The following RGPD4 variants were observed in gnomAD, a reference collection of about 807,000 sequenced individuals.
RGPD4 encodes the protein RANBP2 like and GRIP domain containing 4.
RGPD4 carries 84 observed loss-of-function variants against 141.1 expected under a neutral mutation model. The observed-to-expected ratio is 0.60, with a 90% confidence interval of 0.50 to 0.71. RGPD4 has a LOEUF of 0.71. Ranked by LOEUF, RGPD4 falls within the 30% of genes least tolerant of loss-of-function variation. RGPD4 has a pLI of 0.00. For missense variants in RGPD4, 918 were observed against 1,622.4 expected (o/e 0.57, Z 7.46); for synonymous variants, 298 against 566.8 (o/e 0.53, Z 6.74).
At chr2:107,874,100 T>A (rs1004233280) in intron 20 of RGPD4, among the ~76,000 whole-genome samples, 2 of 148,544 alleles carry the variant, frequency 1.3e-5, no homozygotes, top group Non-Finnish European at 3.0e-5. Flanking sequence ...TGATTTGTAA[T>A]GTACTTCATT....
chr2:107,881,027 G>A (rs1459785161), intron 21 of RGPD4, among the ~76,000 whole-genome samples: 1 of 151,542 alleles, frequency 6.6e-6, no homozygotes, highest in East Asian at 1.9e-4. Flanking sequence ...CTGGTAAATG[G>A]TGGAACAAAA....
chr2:107,883,346 A>G (rs1675421955), intron 22 of RGPD4: 1 of 333,988 alleles, frequency 3.0e-6, no homozygotes, highest in Admixed American at 3.8e-5. Context: ...AAACTGTGCC[A>G]TAGGCCAGGC....
intron 6 of RGPD4, among the ~76,000 whole-genome samples, chr2:107,846,184 C>T (rs1054843367): frequency 2.0e-5 from 3 of 150,268 alleles, no homozygotes; most frequent in South Asian, 4.3e-4. Flanking sequence ...CCTCAGCCTC[C>T]CAAAGTGCTG....
intron 9 of RGPD4, among the ~76,000 whole-genome samples, chr2:107,858,297 A>T (rs832378): frequency 0.65 from 98,427 of 151,544 alleles, 32,983 homozygotes; most frequent in Middle Eastern, 0.75. Flanking sequence ...GATACCTATA[A>T]ACATAATTAC....
chr2:107,832,601 T>G lies in RGPD4; in HGVS notation c.73-4001T>G, dbSNP rs3113784. Among the ~76,000 whole-genome samples, 3 of 55,362 alleles carry G rather than the reference T, an allele frequency of 5.4e-5. 1 individual carries two copies. In the East Asian group the frequency reaches 8.1e-4, roughly 15 times the overall value. The allele number at this position is 55,362 out of a possible 152,430, so 36.3% of individuals were successfully genotyped here. ...GATTACAGGTGTGCGCCAGCATGCC[T>G]GGCTAATTTTTTCTATTTTTAGTAG... On this transcript the variant is annotated intron_variant, in intron 1 of 22. Transcript: ENST00000408999.
intron 1 of RGPD4, among the ~76,000 whole-genome samples, chr2:107,833,092 G>A (rs1006333893): frequency 7.4e-5 from 11 of 149,224 alleles, no homozygotes; most frequent in African/African-American, 1.8e-4. Flanking sequence ...GTATAATCGC[G>A]GCCTTCACCC....
chr2:107,886,012 C>A (rs1675500445), intron 22 of RGPD4, among the ~76,000 whole-genome samples: 1 of 150,176 alleles, frequency 6.7e-6, no homozygotes, highest in Admixed American at 6.6e-5. Flanking sequence ...GAGATGGTGC[C>A]ATTGCACTCC....
At chr2:107,870,594 A>G in intron 19 of RGPD4, 111 bp from the exon 20 acceptor site, 4 of 880,910 alleles carry the variant, frequency 4.5e-6, no homozygotes, top group South Asian at 3.5e-5. Context: ...CATCATCATC[A>G]TCATTATTGT....
intron 7 of RGPD4, among the ~76,000 whole-genome samples, chr2:107,849,486 C>T (rs1208641547): frequency 8.3e-6 from 1 of 120,192 alleles, no homozygotes; most frequent in East Asian, 2.3e-4. Context: ...CCTGCCTCAG[C>T]CTCCTGAGTA....
At chr2:107,858,396 ACCTTTTCTTT>A (rs1682403928) in intron 9 of RGPD4, among the ~76,000 whole-genome samples, 2 of 138,612 alleles carry the variant, frequency 1.4e-5, no homozygotes, top group African/African-American at 5.1e-5. Context: ...GAAGCACATA[ACCTTTTCTTT>A]TCTTTTCTTT....
At chr2:107,880,528 G>T (rs1298422982) in intron 21 of RGPD4, among the ~76,000 whole-genome samples, 1 of 151,736 alleles carries the variant, frequency 6.6e-6, no homozygotes, top group Non-Finnish European at 1.5e-5. Context: ...CTCCCAAAGT[G>T]CTGGTATTAC....
In RGPD4 at chr2:107,872,782, C is replaced by A; in HGVS notation, c.4778C>A (p.Ser1593Tyr). 6.2e-7 allele frequency: 1 copy of A among 1,611,170 alleles called. No individual in the cohort carries two copies. The highest frequency in any genetic ancestry group is 8.5e-7 in the Non-Finnish European group (1 of 1,179,814). ...ACTAGTTCAGTAGCCCAGAGTGGAT[C>A]TGAAAGCAAAGTGGAACCTAAAAAA... ...SETSSVAQSG[S>Y]ESKVEPKKCE... The change falls in exon 20 of 23, where the codon TCT becomes TAT. Residue 1593 changes from serine (S) to tyrosine (Y), a missense_variant. Physicochemically the swap from Ser to Tyr is moderately radical, Grantham distance 144. Transcript: ENST00000408999.
In RGPD4 at chr2:107,853,408, C is replaced by T. The variant is rs1431385826; in HGVS notation, c.979-1148C>T. ...TTTTAATATTTGAAGGCAGCTGTCA[C>T]GTCTTCCCTTCGCCATTCTATTCAT... On this transcript the variant is annotated intron_variant, in intron 7 of 22. Transcript: ENST00000408999. Among the ~76,000 whole-genome samples the T allele has an allele frequency of 8.6e-5, 12 of 139,758 alleles. 1 individual carries two copies. The South Asian group carries it at 1.7e-3, about 20-fold the overall frequency. 91.7% of individuals were successfully genotyped at this position (139,758 alleles called of 152,430 possible).
intron 6 of RGPD4, among the ~76,000 whole-genome samples, chr2:107,846,545 C>A (rs1213260498): frequency 1.3e-5 from 2 of 150,866 alleles, no homozygotes; most frequent in African/African-American, 4.9e-5. Context: ...CGGATCACTG[C>A]AACCTCTGCT....
intron 20 of RGPD4, among the ~76,000 whole-genome samples, chr2:107,873,443 C>T (rs999945212): frequency 1.3e-4 from 18 of 143,384 alleles, no homozygotes; most frequent in African/African-American, 2.4e-4. Flanking sequence ...CGTGGTGGTG[C>T]GTGCCTATAA....
rs9941689 is a variant in RGPD4, at chr2:107,861,575, A to G, written c.2059-19A>G. 6.2e-7 allele frequency: 1 copy of G among 1,610,672 alleles called. No homozygotes were observed. Among genetic ancestry groups the G allele is most frequent in the Non-Finnish European group, 8.5e-7 (1 of 1,179,570 alleles). The stretch of plus-strand genomic sequence containing the variant: ...TGTTTTAAAAAGCTAATGATTTCAT[A>G]AAAGCATTATTTGTATAGATTTTTC... On this transcript the variant is annotated intron_variant, in intron 14 of 22. Coordinates refer to ENST00000408999, the MANE Select transcript of RGPD4 (RefSeq NM_182588.3).
intron 22 of RGPD4, chr2:107,883,291 T>C: frequency 2.6e-6 from 1 of 389,156 alleles, no homozygotes; most frequent in East Asian, 7.2e-5. Context: ...AGCCCAACAC[T>C]TGGTCTATAT....
At chr2:107,857,201 G>A (rs1287983483) in intron 9 of RGPD4, among the ~76,000 whole-genome samples, 6 of 150,590 alleles carry the variant, frequency 4.0e-5, no homozygotes, top group South Asian at 2.1e-4. Flanking sequence ...GCAGTGGTGC[G>A]ATCTCGGCTC....
chr2:107,827,061 G>A lies in RGPD4; in HGVS notation c.48G>A (p.Gln16=). The change falls in exon 1 of 23, where the codon CAG becomes CAA. Residue 16 remains glutamine (Q), a synonymous_variant. Transcript: ENST00000408999. ...AYGERYVASV[Q]GSAPSPRKKS... The stretch of plus-strand genomic sequence containing the variant: ...GGGAGCGGTACGTCGCCTCCGTGCA[G>A]GGCTCCGCCCCGTCGCCTCGAAAGG... 1.9e-6 allele frequency: 3 copies of A among 1,594,532 alleles called. No individual in the cohort carries two copies. The highest frequency in any genetic ancestry group is 2.6e-6 in the Non-Finnish European group (3 of 1,171,822).
Sources: allele counts gnomAD v4.1 joint callset (sites outside exome capture counted in the v4.1 genomes callset), GRCh38; gene constraint gnomAD v4.1.1; transcripts MANE v1.5; gene names NCBI Gene and HGNC (gene_info 2026-07-23, HGNC 2026-07-21).